PDS5A: variants seen among roughly 807,000 people sequenced by gnomAD.
PDS5A encodes the protein sister chromatid cohesion protein PDS5 homolog A.
PDS5A carries 42 observed loss-of-function variants against 167.1 expected under a neutral mutation model. That is an observed-to-expected ratio of 0.25 (90% confidence interval 0.20 to 0.33). PDS5A has a LOEUF of 0.33. Among genes scored for constraint, PDS5A ranks in the 10% least tolerant of loss-of-function variants. The pLI is 1.00. For missense variants in PDS5A, 1,033 were observed against 1,605.9 expected (o/e 0.64, Z 6.10); for synonymous variants, 553 against 554.6 (o/e 1.00, Z 0.04).
chr4:39,947,900 C>T (rs1727924464), intron 2 of PDS5A, among the ~76,000 whole-genome samples: 1 of 152,138 alleles, frequency 6.6e-6, no homozygotes, highest in Non-Finnish European at 1.5e-5. Context: ...AACCAAACTT[C>T]AACATAAGTT....
At chr4:39,834,602 GA>G (rs1290915108) in intron 32 of PDS5A, among the ~76,000 whole-genome samples, 2 of 152,020 alleles carry the variant, frequency 1.3e-5, no homozygotes, top group African/African-American at 4.8e-5. Flanking sequence ...GGTCACTAAT[GA>G]AAAAAAGACT....
At position 39,841,951 on chromosome 4, in the gene PDS5A, A is replaced by T. The variant is rs199938973; in HGVS notation, c.3654T>A (p.Asn1218Lys). ...CTTGTTAAATTTTAAAATTTACCTTATTCTTTACTGGGTCAATATTCTTTA... is the reference window on the plus strand; with the variant it reads ...CTTGTTAAATTTTAAAATTTACCTTTTTCTTTACTGGGTCAATATTCTTTA... ...TPVKNIDPVK[N>K]KEINSDQATQ... Residue 1218 changes from asparagine to lysine, a missense_variant, in exon 31 of 33, where the codon AAT becomes AAA. By Grantham distance (94) the Asn-to-Lys change is moderately conservative (BLOSUM62 0). This residue lies in a region of PDS5A where 233 missense variants were observed against 264.0 expected (regional missense o/e 0.88). Transcript: ENST00000303538. 7 of 1,531,750 alleles carry T rather than the reference A, an allele frequency of 4.6e-6. No individual in the cohort carries two copies. The Admixed American group carries it at 1.0e-4, about 22-fold the overall frequency. 94.9% of individuals were successfully genotyped at this position (1,531,750 alleles called of 1,614,324 possible).
intron 2 of PDS5A, among the ~76,000 whole-genome samples, chr4:39,961,576 TAG>T (rs994753020): frequency 1.3e-5 from 2 of 152,130 alleles, no homozygotes; most frequent in African/African-American, 4.8e-5. Context: ...TCCTTTTTAA[TAG>T]AGTCTGGGTC....
intron 5 of PDS5A, among the ~76,000 whole-genome samples, chr4:39,924,961 A>T (rs1047586153): frequency 6.6e-6 from 1 of 152,076 alleles, no homozygotes; most frequent in African/African-American, 2.4e-5. Context: ...AAAATACAAA[A>T]ATTAGCCGGG....
Position 39,926,778 on chromosome 4 carries a change from TA to T in PDS5A, c.425del (p.Leu142Ter). On this transcript the variant is annotated frameshift_variant, in exon 4 of 33. Transcript: ENST00000303538. LOFTEE classifies it high-confidence loss of function. The part of the protein sequence containing the change: ...SPQFNRYFYL[L>X]ENLAWVKSYN... ...ATTAAAGTTTTTTTTTTTTTACCTC[TA>T]ATAAATAAAAGTATCTATTAAACTG... 1 of 1,385,498 alleles carries T rather than the reference TA, an allele frequency of 7.2e-7. No individual in the cohort carries two copies. The highest frequency in any genetic ancestry group is 9.5e-7 in the Non-Finnish European group (1 of 1,054,260). 85.8% of individuals were successfully genotyped at this position (1,385,498 alleles called of 1,614,324 possible).
chr4:39,823,154 G>A lies in PDS5A; in HGVS notation c.*2331C>T, dbSNP rs1715005617. ...TTCTCAAATATAAGTCTGCACTTTT[G>A]TGTTGTAGTTCTCTGAGATGTGAAT... On this transcript the variant is annotated 3_prime_UTR_variant, in exon 33 of 33. Coordinates refer to ENST00000303538, the MANE Select transcript of PDS5A (RefSeq NM_001100399.2). The A allele has an allele frequency of 1.3e-5, 2 of 152,660 alleles. No individual in the cohort carries two copies. Among genetic ancestry groups the A allele is most frequent in the South Asian group, 4.1e-4 (2 of 4,832 alleles). The allele number at this position is 152,660 out of a possible 1,614,324, so 9.5% of individuals were successfully genotyped here.
chr4:39,885,767 GCAAACAAAAAA>G (rs1397555669), intron 17 of PDS5A, among the ~76,000 whole-genome samples: 1 of 151,338 alleles, frequency 6.6e-6, no homozygotes, highest in Non-Finnish European at 1.5e-5. Context: ...CCAAAACAAA[GCAAACAAAAAA>G]CAAACAAAAA....
At chr4:39,931,827 T>C (rs1726095536) in intron 2 of PDS5A, among the ~76,000 whole-genome samples, 1 of 151,842 alleles carries the variant, frequency 6.6e-6, no homozygotes, top group African/African-American at 2.4e-5. Context: ...TATGATACAA[T>C]GCCTTCTCAT....
intron 32 of PDS5A, 50 bp downstream of exon 32, chr4:39,837,806 A>C (rs1716567548): frequency 2.8e-6 from 4 of 1,408,282 alleles, no homozygotes; most frequent in Non-Finnish European, 3.9e-6. Flanking sequence ...TATACTACGA[A>C]TAAAACAAAA....
chr4:39,927,747 T>C (rs1414908766), intron 3 of PDS5A, among the ~76,000 whole-genome samples: 1 of 152,200 alleles, frequency 6.6e-6, no homozygotes, highest in African/African-American at 2.4e-5. Context: ...AGTTTTGAAC[T>C]ATACCTTTCT....
chr4:39,861,168 G>T (rs1183790823), intron 26 of PDS5A, among the ~76,000 whole-genome samples: 1 of 151,910 alleles, frequency 6.6e-6, no homozygotes, highest in Non-Finnish European at 1.5e-5. Context: ...GGGGAATAAA[G>T]AGAGACTGGT....
chr4:39,959,555 A>G (rs1031160068), intron 2 of PDS5A, among the ~76,000 whole-genome samples: 1 of 152,032 alleles, frequency 6.6e-6, no homozygotes, highest in African/African-American at 2.4e-5. Context: ...CAAAGCTGGT[A>G]GCAAACTCTC....
intron 2 of PDS5A, among the ~76,000 whole-genome samples, chr4:39,942,963 T>C (rs910770246): frequency 6.6e-6 from 1 of 152,086 alleles, no homozygotes; most frequent in Non-Finnish European, 1.5e-5. Context: ...GTGTTTTACA[T>C]ATTGCACATC....
rs144065072 is a variant in PDS5A at position 39,870,197 on chromosome 4, A to G, written c.2437-735T>C. 4.8e-4 allele frequency among the ~76,000 whole-genome samples: 73 copies of G among 152,300 alleles called. 1 individual carries two copies. The highest frequency in any genetic ancestry group is 2.9e-3 in the South Asian group (14 of 4,824). ...AAAAGAAACTAGATTGTTAATACAT[A>G]TAAGAATTAACTCAGAATTAATCAA... is the stretch of plus-strand genomic sequence containing the variant. On this transcript the variant is annotated intron_variant, in intron 21 of 32. Transcript: ENST00000303538.
chr4:39,860,572 G>T (rs1316533372), intron 26 of PDS5A, among the ~76,000 whole-genome samples: 1 of 152,100 alleles, frequency 6.6e-6, no homozygotes, highest in African/African-American at 2.4e-5. Context: ...CCAAGATATG[G>T]AATCAACCTA....
At chr4:39,906,477 A>T (rs1326834373) in intron 11 of PDS5A, among the ~76,000 whole-genome samples, 1 of 152,170 alleles carries the variant, frequency 6.6e-6, no homozygotes, top group South Asian at 2.1e-4. Context: ...GGACTTTTAG[A>T]GGTTGGGAAG....
At chr4:39,887,559 A>T (rs1245018792) in intron 17 of PDS5A, among the ~76,000 whole-genome samples, 1 of 152,134 alleles carries the variant, frequency 6.6e-6, no homozygotes, top group Non-Finnish European at 1.5e-5. Flanking sequence ...ATAGACCCCT[A>T]TCCCTCACCC....
intron 17 of PDS5A, among the ~76,000 whole-genome samples, chr4:39,888,803 C>T (rs984905737): frequency 2.0e-5 from 3 of 151,652 alleles, no homozygotes; most frequent in Admixed American, 6.6e-5. Flanking sequence ...GTGAGAAAGG[C>T]GGAATGAAGA....
intron 8 of PDS5A, among the ~76,000 whole-genome samples, chr4:39,914,876 A>G (rs1421479502): frequency 6.6e-6 from 1 of 152,226 alleles, no homozygotes; most frequent in African/African-American, 2.4e-5. Context: ...TTTGGAAAAG[A>G]GAAGTAAAAA....
Sources: gnomAD v4.1 joint callset for allele counts (sites outside exome capture counted in the v4.1 genomes callset) on GRCh38, gnomAD v4.1.1 for gene constraint, gnomAD v4.1.1 regional missense constraint, MANE v1.5 for transcripts, NCBI Gene and HGNC (gene_info 2026-07-23, HGNC 2026-07-21) for gene names.